ATXN7L1: variants seen among roughly 807,000 people sequenced by gnomAD.
The protein encoded by ATXN7L1 is ataxin-7-like protein 1.
ATXN7L1 carries 15 observed loss-of-function variants against 70.8 expected under a neutral mutation model. That is an observed-to-expected ratio of 0.21 (90% CI 0.14 to 0.33). The LOEUF (loss-of-function observed/expected upper bound fraction) is 0.33. Among genes scored for constraint, ATXN7L1 ranks in the 10% least tolerant of loss-of-function variants. The probability of loss-of-function intolerance (pLI) is 1.00; values close to 1 mark genes in which losing one functional copy is unlikely to be tolerated. For synonymous variants in ATXN7L1, 440 were observed against 445.1 expected (o/e 0.99, Z 0.14); for missense variants, 975 against 1,097.1 (o/e 0.89, Z 1.57).
intron 4 of ATXN7L1, among the ~76,000 whole-genome samples, chr7:105,653,638 TC>T (rs1475756714): frequency 2.0e-5 from 3 of 152,268 alleles, no homozygotes; most frequent in African/African-American, 7.2e-5. Context: ...CTCTGTGTGT[TC>T]TAATCTGTTT....
intron 2 of ATXN7L1, among the ~76,000 whole-genome samples, chr7:105,823,720 G>A (rs576450861): frequency 1.3e-5 from 2 of 152,330 alleles, no homozygotes; most frequent in African/African-American, 4.8e-5. Flanking sequence ...CAATGGAAAT[G>A]GGAGATATCA....
chr7:105,612,544 A>G (rs1475017358), intron 10 of ATXN7L1, among the ~76,000 whole-genome samples: 1 of 152,124 alleles, frequency 6.6e-6, no homozygotes, highest in Non-Finnish European at 1.5e-5. Context: ...TCTGCCCTCC[A>G]TCCTGGGACC....
chr7:105,709,178 C>CA (rs1244749848), intron 3 of ATXN7L1, among the ~76,000 whole-genome samples: 1 of 151,938 alleles, frequency 6.6e-6, no homozygotes, highest in African/African-American at 2.4e-5. Flanking sequence ...ACTAAAAATA[C>CA]AAAAAATTAG....
intron 3 of ATXN7L1, among the ~76,000 whole-genome samples, chr7:105,740,720 AG>A (rs1441968904): frequency 6.6e-6 from 1 of 151,086 alleles, no homozygotes; most frequent in Non-Finnish European, 1.5e-5. Flanking sequence ...AGGATTAGAG[AG>A]GAAGTTACAT....
chr7:105,704,609 T>C (rs1792904941), intron 3 of ATXN7L1, among the ~76,000 whole-genome samples: 1 of 146,420 alleles, frequency 6.8e-6, no homozygotes, highest in Non-Finnish European at 1.5e-5. Context: ...TTTTTTTTTT[T>C]TTTAGACAGA....
chr7:105,619,391 C>T lies in ATXN7L1; in HGVS notation c.1517+809G>A, dbSNP rs138347627. Among the ~76,000 whole-genome samples the T allele has an allele frequency of 8.1e-3, 1,167 of 144,912 alleles. 24 individuals are homozygous for T. The highest frequency in any genetic ancestry group is 0.028 in the African/African-American group (1,104 of 39,550). On this transcript the variant is annotated intron_variant, in intron 9 of 11. Transcript: ENST00000419735. ...CTTGGACTCCTGATCTCAGTTGATC[C>T]GCTCGCCTCAGCCTCACAAAGTGCC...
At chr7:105,723,934 G>A (rs143026426) in intron 3 of ATXN7L1, among the ~76,000 whole-genome samples, 1 of 152,254 alleles carries the variant, frequency 6.6e-6, no homozygotes, top group Non-Finnish European at 1.5e-5. Context: ...TTGCTGAAAA[G>A]TCTGGATTTT....
intron 3 of ATXN7L1, among the ~76,000 whole-genome samples, chr7:105,726,846 G>A (rs539578877): frequency 4.3e-4 from 65 of 152,292 alleles, no homozygotes; most frequent in African/African-American, 1.4e-3. Flanking sequence ...TACAGTTGTG[G>A]CAGCATCTAC....
At chr7:105,797,011 G>A (rs994709986) in intron 2 of ATXN7L1, among the ~76,000 whole-genome samples, 5 of 152,182 alleles carry the variant, frequency 3.3e-5, no homozygotes, top group Non-Finnish European at 4.4e-5. Flanking sequence ...CATTGTGAGA[G>A]ATTCAAAATC....
chr7:105,614,827 G>A lies in ATXN7L1; in HGVS notation c.1518-11C>T. 6.5e-7 allele frequency: 1 copy of A among 1,543,014 alleles called. No homozygotes were observed. The highest frequency in any genetic ancestry group is 1.2e-5 in the South Asian group (1 of 83,046). ...GCAGGAGGGATCTTCCTAAACATGA[G>A]AGAAGAGTGAAAGAGAATCAGTGAG... On this transcript the variant is annotated splice_polypyrimidine_tract_variant and intron_variant, in intron 9 of 11. Transcript: ENST00000419735. The surrounding 1 kb of genome is among the most constrained non-coding windows in gnomAD (Gnocchi z 4.3).
At chr7:105,767,642 T>C (rs1801455050) in intron 3 of ATXN7L1, among the ~76,000 whole-genome samples, 1 of 152,224 alleles carries the variant, frequency 6.6e-6, no homozygotes, top group African/African-American at 2.4e-5. Context: ...ACAGGTACTA[T>C]TATTACCCCC....
chr7:105,713,792 G>A (rs958673583), intron 3 of ATXN7L1, among the ~76,000 whole-genome samples: 8 of 144,138 alleles, frequency 5.6e-5, no homozygotes, highest in Non-Finnish European at 1.1e-4. Flanking sequence ...GGGCCTCCAG[G>A]GTAAGCCTTA....
chr7:105,763,321 C>A (rs1345828343), intron 3 of ATXN7L1, among the ~76,000 whole-genome samples: 1 of 152,218 alleles, frequency 6.6e-6, no homozygotes, highest in African/African-American at 2.4e-5. Context: ...ACTCAGTCCT[C>A]ACAGTCTCAA....
At chr7:105,690,441 G>C (rs1790628849) in intron 3 of ATXN7L1, among the ~76,000 whole-genome samples, 1 of 152,190 alleles carries the variant, frequency 6.6e-6, no homozygotes, top group Admixed American at 6.5e-5. Context: ...CGTTTTCACT[G>C]TCCGTTCTCA....
At chr7:105,659,302 T>A (rs1457169780) in intron 4 of ATXN7L1, among the ~76,000 whole-genome samples, 2 of 152,202 alleles carry the variant, frequency 1.3e-5, no homozygotes, top group African/African-American at 2.4e-5. Flanking sequence ...AATCTCAGAA[T>A]CCCTTTCAAT....
At chr7:105,778,523 A>AAAAAC (rs1803074315) in intron 3 of ATXN7L1, among the ~76,000 whole-genome samples, 1 of 139,036 alleles carries the variant, frequency 7.2e-6, no homozygotes, top group African/African-American at 2.8e-5. Context: ...AAAAAAAAAA[A>AAAAAC]AAAAAAAAAA....
chr7:105,691,420 C>T (rs1046283289), intron 3 of ATXN7L1: 2 of 152,070 alleles, frequency 1.3e-5, no homozygotes, highest in African/African-American at 4.8e-5. Context: ...AGTGGAGAAA[C>T]AAATTTCACT....
At chr7:105,787,732 T>C (rs1297718651) in intron 3 of ATXN7L1, among the ~76,000 whole-genome samples, 1 of 152,206 alleles carries the variant, frequency 6.6e-6, no homozygotes, top group Non-Finnish European at 1.5e-5. Context: ...TTGACTTTTT[T>C]TAGGCACAAT....
chr7:105,859,925 G>A (rs1816319367), intron 2 of ATXN7L1, among the ~76,000 whole-genome samples: 1 of 150,040 alleles, frequency 6.7e-6, no homozygotes. Context: ...TGGGGTTACA[G>A]GTGTGTGTGA....
Sources: gnomAD v4.1 joint callset for allele counts (sites outside exome capture counted in the v4.1 genomes callset) on GRCh38, gnomAD v4.1.1 for gene constraint, Gnocchi (gnomAD v3.1) non-coding constraint, MANE v1.5 for transcripts, NCBI Gene and HGNC (gene_info 2026-07-23, HGNC 2026-07-21) for gene names.